PSMD1: variants seen among roughly 807,000 people sequenced by gnomAD.
The protein encoded by PSMD1 is 26S proteasome non-ATPase regulatory subunit 1.
PSMD1 carries 18 observed loss-of-function variants against 119.0 expected under a neutral mutation model. That is an observed-to-expected ratio of 0.15 (90% CI 0.10 to 0.22). The LOEUF is 0.22. Ranked by LOEUF, PSMD1 falls within the 10% of genes least tolerant of loss-of-function variation. The pLI, the probability that PSMD1 is intolerant of heterozygous loss-of-function variation, is 1.00. For missense variants in PSMD1, 702 were observed against 1,158.5 expected, an observed-to-expected ratio of 0.61 and a Z score of 5.72; for synonymous variants, 374 against 396.6, an observed-to-expected ratio of 0.94 and a Z score of 0.68.
rs139830860 is a variant in PSMD1, at chr2:231,155,523, T to A, written c.2218+1857T>A. On this transcript the variant is annotated intron_variant, in intron 19 of 24. Transcript: ENST00000308696. ...CTCTTTCTTTAAAAAAAAATCCATA[T>A]CTCCTTTCTAATTTGATTAATCCTT... 2.0e-3 allele frequency among the ~76,000 whole-genome samples: 308 copies of A among 152,000 alleles called. 1 individual carries two copies. The highest frequency in any genetic ancestry group is 7.1e-3 in the African/African-American group (293 of 41,514).
chr2:231,073,089 G>A (rs1694077498), intron 7 of PSMD1, among the ~76,000 whole-genome samples: 1 of 152,090 alleles, frequency 6.6e-6, no homozygotes, highest in African/African-American at 2.4e-5. Context: ...GGAATAGGGA[G>A]TCCCAAGGAG....
At chr2:231,091,994 G>A (rs1694608457) in intron 16 of PSMD1, among the ~76,000 whole-genome samples, 1 of 152,154 alleles carries the variant, frequency 6.6e-6, no homozygotes, top group Non-Finnish European at 1.5e-5. Context: ...TCTGTACCCT[G>A]CTCTAAGAGA....
At chr2:231,100,146 A>G (rs970088347) in intron 16 of PSMD1, among the ~76,000 whole-genome samples, 9 of 152,314 alleles carry the variant, frequency 5.9e-5, no homozygotes, top group African/African-American at 2.2e-4. Context: ...GAATGCAATC[A>G]TGGGCGAGCC....
At chr2:231,145,438 G>A (rs1336642866) in intron 17 of PSMD1, among the ~76,000 whole-genome samples, 1 of 151,980 alleles carries the variant, frequency 6.6e-6, no homozygotes, top group Non-Finnish European at 1.5e-5. Context: ...TGAATGTGAG[G>A]GCGTACGACA....
At chr2:231,078,947 A>G (rs1269958399) in intron 10 of PSMD1, among the ~76,000 whole-genome samples, 200 bp downstream of exon 10, 2 of 152,018 alleles carry the variant, frequency 1.3e-5, no homozygotes, top group African/African-American at 2.4e-5. Context: ...GGCGCACGCC[A>G]CTATGCCTGG....
chr2:231,092,610 G>A (rs7604219), intron 16 of PSMD1, among the ~76,000 whole-genome samples: 74,512 of 151,954 alleles, frequency 0.49, 21,667 homozygotes, highest in African/African-American at 0.81. Flanking sequence ...AGACGTGGCT[G>A]CAAAACTGTG....
At chr2:231,060,423 G>T (rs1403438555) in intron 1 of PSMD1, 1 of 152,154 alleles carries the variant, frequency 6.6e-6, no homozygotes, top group African/African-American at 2.4e-5. Context: ...CGGTGTTCTG[G>T]AATGATTTTA....
chr2:231,136,331 C>T lies in PSMD1; in HGVS notation c.1884-2405C>T, dbSNP rs184846573. ...AGCCTTTCTGGAGAAGTTGGAAATT[C>T]GGGTTTTAATGTGAAATATTCCCAT... On this transcript the variant is annotated intron_variant, in intron 16 of 24. Coordinates refer to ENST00000308696, the MANE Select transcript of PSMD1 (RefSeq NM_002807.4). 1.9e-3 allele frequency among the ~76,000 whole-genome samples: 293 copies of T among 152,256 alleles called. 3 individuals carry two copies. Among genetic ancestry groups the T allele is most frequent in the Non-Finnish European group, 2.3e-3 (159 of 68,010 alleles).
At chr2:231,063,001 T>A (rs541594850) in intron 4 of PSMD1, among the ~76,000 whole-genome samples, 233 of 152,342 alleles carry the variant, frequency 1.5e-3, no homozygotes, top group Middle Eastern at 3.4e-3. Flanking sequence ...TGCATTGTGC[T>A]AGGCACCGTG....
At chr2:231,061,448 G>A (rs957852262) in intron 2 of PSMD1, 138 bp downstream of exon 2, 4 of 595,890 alleles carry the variant, frequency 6.7e-6, no homozygotes, top group African/African-American at 5.7e-5. Context: ...CCTAGCCAGA[G>A]AGGACAGTAT....
intron 4 of PSMD1, among the ~76,000 whole-genome samples, chr2:231,064,944 G>A (rs1693864092): frequency 1.3e-5 from 2 of 151,788 alleles, no homozygotes. Context: ...TTACAGATGT[G>A]AGCCACTGAC....
At position 231,056,901 on chromosome 2, in the gene PSMD1, G is replaced by A; in HGVS notation, c.-125G>A. ...AGAAGCGAGCCGGCGGCCTGAGGAG[G>A]CGACTGACTGAGCAGCGCACCCGGG... On this transcript the variant is annotated 5_prime_UTR_variant, in exon 1 of 25. Coordinates refer to ENST00000308696, the MANE Select transcript of PSMD1 (RefSeq NM_002807.4). 1 of 1,334,254 alleles carries A rather than the reference G, an allele frequency of 7.5e-7. No individual in the cohort carries two copies. Among genetic ancestry groups the A allele is most frequent in the African/African-American group, 1.5e-5 (1 of 66,366 alleles). The allele number at this position is 1,334,254 out of a possible 1,614,324, so 82.7% of individuals were successfully genotyped here.
At chr2:231,096,704 C>T (rs1373734352) in intron 16 of PSMD1, among the ~76,000 whole-genome samples, 1 of 152,250 alleles carries the variant, frequency 6.6e-6, no homozygotes, top group Non-Finnish European at 1.5e-5. Context: ...GGTGAGCGCA[C>T]ACTTGGACAA....
rs3815845 is a variant in PSMD1 at position 231,079,303 on chromosome 2, T to G, written c.1161-233T>G. Among the ~76,000 whole-genome samples, 196 of 152,310 alleles carry G rather than the reference T, an allele frequency of 1.3e-3. 1 individual carries two copies. The East Asian group carries it at 0.023, about 18-fold the overall frequency. ...AAGGAAATATATTAAGCTCTAAAAT[T>G]TTATATAATTTTGTTTTTATTTATA... On this transcript the variant is annotated intron_variant, in intron 10 of 24. Coordinates refer to ENST00000308696, the MANE Select transcript of PSMD1 (RefSeq NM_002807.4).
rs572805489 is a variant in PSMD1 at position 231,066,845 on chromosome 2, T to C, written c.305-61T>C. The C allele has an allele frequency of 7.3e-5, 97 of 1,328,544 alleles. No homozygotes were observed. In the South Asian group the frequency reaches 1.4e-3, roughly 19 times the overall value. The allele number at this position is 1,328,544 out of a possible 1,614,324, so 82.3% of individuals were successfully genotyped here. On this transcript the variant is annotated intron_variant, in intron 4 of 24. Transcript: ENST00000308696. ...TATATATGATTATAAATATAGGCAT[T>C]GCCCTTTCTGATAGTTTAGCCCAAT...
rs750180413 is a variant in PSMD1, at chr2:231,072,230, C to T, written c.696C>T (p.Ile232=). 1.9e-6 allele frequency: 3 copies of T among 1,613,570 alleles called. No homozygotes were observed. The East Asian group carries it at 6.7e-5, about 36-fold the overall frequency. ...FLDDPQAVSD[I]LEKLVKEDNL... is the part of the protein sequence containing the mutation. ...ATGATCCTCAGGCTGTGAGTGATAT[C>T]TTAGAGAAACTGGTAAAGGAAGACA... Residue 232 remains isoleucine, a synonymous_variant, in exon 7 of 25, where the codon ATC becomes ATT. Coordinates refer to ENST00000308696, the MANE Select transcript of PSMD1 (RefSeq NM_002807.4).
At chr2:231,134,463 G>A (rs999235685) in intron 16 of PSMD1, among the ~76,000 whole-genome samples, 3 of 152,164 alleles carry the variant, frequency 2.0e-5, no homozygotes, top group African/African-American at 4.8e-5. Flanking sequence ...ACTGTGTCGT[G>A]TATAATAATC....
At chr2:231,075,825 C>T (rs1443588813) in intron 8 of PSMD1, among the ~76,000 whole-genome samples, 5 of 152,242 alleles carry the variant, frequency 3.3e-5, no homozygotes, top group South Asian at 2.1e-4. Context: ...TCAAGCAATC[C>T]GTTTGCCTTG....
rs914789515 is a variant in PSMD1, at chr2:231,082,081, G to A, written c.1414-802G>A. ...TTTTAATTTATTATCATTATTTTTT[G>A]AGACAGTTTCTTGCTGTGCTACCCA... On this transcript the variant is annotated intron_variant, in intron 12 of 24. Coordinates refer to ENST00000308696, the MANE Select transcript of PSMD1 (RefSeq NM_002807.4). Among the ~76,000 whole-genome samples, 5 of 152,084 alleles carry A rather than the reference G, an allele frequency of 3.3e-5. No homozygotes were observed. The East Asian group carries it at 9.7e-4, about 29-fold the overall frequency.
Sources: allele counts gnomAD v4.1 joint callset (sites outside exome capture counted in the v4.1 genomes callset), GRCh38; gene constraint gnomAD v4.1.1; transcripts MANE v1.5; gene names NCBI Gene and HGNC (gene_info 2026-07-23, HGNC 2026-07-21).